The following DGKG variants were observed in gnomAD, a reference collection of about 807,000 sequenced individuals.
DGKG encodes DAG kinase gamma.
DGKG carries 78 observed loss-of-function variants against 105.3 expected under a neutral mutation model. The observed-to-expected ratio is 0.74, with a 90% confidence interval of 0.62 to 0.89. The LOEUF (loss-of-function observed/expected upper bound fraction) is 0.89. Ranked by LOEUF, DGKG falls within the 40% of genes least tolerant of loss-of-function variation. DGKG has a pLI of 0.00. For missense variants in DGKG, 958 were observed against 1,020.1 expected (o/e 0.94, Z 0.83); for synonymous variants, 346 against 367.1 (o/e 0.94, Z 0.66).
At chr3:186,264,256 A>G (rs544765114) in intron 14 of DGKG, among the ~76,000 whole-genome samples, 77 of 108,956 alleles carry the variant, frequency 7.1e-4, no homozygotes, top group Admixed American at 4.4e-3. Flanking sequence ...CTTATGTTTC[A>G]CTTTTCTTTT....
chr3:186,251,651 G>A (rs1052337184), intron 19 of DGKG, 108 bp downstream of exon 19: 8 of 1,295,194 alleles, frequency 6.2e-6, no homozygotes, highest in South Asian at 1.3e-5. Context: ...GGGCTGGGGG[G>A]GCAGGTAAGA....
intron 5 of DGKG, among the ~76,000 whole-genome samples, chr3:186,291,173 C>A (rs1723295843): frequency 6.6e-6 from 1 of 151,924 alleles, no homozygotes; most frequent in Non-Finnish European, 1.5e-5. Context: ...TGAAGAGGCA[C>A]CATAAATTCT....
intron 21 of DGKG, among the ~76,000 whole-genome samples, chr3:186,199,098 C>T (rs561798908): frequency 6.6e-6 from 1 of 152,116 alleles, no homozygotes; most frequent in South Asian, 2.1e-4. Context: ...CAGGCGCATG[C>T]CACCAAGCCC....
chr3:186,160,705 A>G (rs1716250240), intron 24 of DGKG: 1 of 985,324 alleles, frequency 1.0e-6, no homozygotes, highest in African/African-American at 1.7e-5. Context: ...TTGTCTTTTG[A>G]AATTTGCATA....
chr3:186,211,383 A>G (rs1264826889), intron 21 of DGKG, among the ~76,000 whole-genome samples: 1 of 152,144 alleles, frequency 6.6e-6, no homozygotes, highest in Admixed American at 6.5e-5. Flanking sequence ...TGCAGCCCCT[A>G]TACTCCCCAC....
chr3:186,203,323 C>T lies in DGKG; in HGVS notation c.1917+8472G>A, dbSNP rs1304380105. Reference sequence around the variant, plus strand: ...AGGCCTGATGATAAAGAAACAAGGGCTAACATTACCCTAAGATTGAAACGA... The same window carrying T: ...AGGCCTGATGATAAAGAAACAAGGGTTAACATTACCCTAAGATTGAAACGA... On this transcript the variant is annotated intron_variant, in intron 21 of 24. Coordinates refer to ENST00000265022, the MANE Select transcript of DGKG (RefSeq NM_001346.3). This position sits in a 1 kb window ranked among gnomAD's most constrained non-coding sequence, Gnocchi z 4.9. Among the ~76,000 whole-genome samples, 1 of 152,164 alleles carries T rather than the reference C, an allele frequency of 6.6e-6. No homozygotes were observed. Among genetic ancestry groups the T allele is most frequent in the Non-Finnish European group, 1.5e-5 (1 of 68,034 alleles).
intron 21 of DGKG, among the ~76,000 whole-genome samples, chr3:186,209,093 C>CTTTTTTTTTTTTTTTTTTTTTTTTTT (rs34226259): frequency 2.2e-5 from 2 of 89,838 alleles, no homozygotes; most frequent in African/African-American, 9.6e-5. Flanking sequence ...GTTTACTCTT[C>CTTTTTTTTTTTTTTTTTTTTTTTTTT]TTTTTTTTTT....
At chr3:186,358,506 T>TTGTGTGTGTGTGTGTGTGTGTGTG (rs142522791) in intron 1 of DGKG, among the ~76,000 whole-genome samples, 3,017 of 149,982 alleles carry the variant, frequency 0.02, 50 homozygotes, top group Non-Finnish European at 0.03. Context: ...TTCTAACCCT[T>TTGTGTGTGTGTGTGTGTGTGTGTG]TGTGTGTGTG....
intron 2 of DGKG, among the ~76,000 whole-genome samples, chr3:186,310,398 A>G (rs2108629674): frequency 6.6e-6 from 1 of 152,194 alleles, no homozygotes; most frequent in East Asian, 1.9e-4. Context: ...ATAGGATTAT[A>G]GTATCAATAC....
chr3:186,253,145 G>A lies in DGKG; in HGVS notation c.1548C>T (p.Val516=), dbSNP rs749597478. The change falls in exon 18 of 25, where the codon GTC becomes GTT. Residue 516 remains valine (V), a synonymous_variant. Coordinates refer to ENST00000265022, the MANE Select transcript of DGKG (RefSeq NM_001346.3). The stretch of plus-strand genomic sequence containing the variant: ...GGTCATTTCCTGTTCCAAGAGGCAG[G>A]ACAGCCACTGGTGGATGCTTTGCAA... ...ANFAKHPPVA[V]LPLGTGNDLA... 45 of 1,614,092 alleles carry A rather than the reference G, an allele frequency of 2.8e-5. No individual in the cohort carries two copies. The highest frequency in any genetic ancestry group is 3.3e-4 in the Middle Eastern group (2 of 6,084).
At chr3:186,175,681 T>C (rs564614339) in intron 22 of DGKG, among the ~76,000 whole-genome samples, 16 of 152,244 alleles carry the variant, frequency 1.1e-4, no homozygotes, top group African/African-American at 3.4e-4. Flanking sequence ...TGAGGTCCAG[T>C]GCTGGGCACA....
At chr3:186,232,409 G>A (rs1429637952) in intron 20 of DGKG, among the ~76,000 whole-genome samples, 6 of 152,040 alleles carry the variant, frequency 3.9e-5, no homozygotes, top group African/African-American at 1.2e-4. Flanking sequence ...CTTGGAGGAG[G>A]GGATGCAAAA....
intron 20 of DGKG, among the ~76,000 whole-genome samples, chr3:186,214,405 ACTTACTTATTAG>A (rs1471643558): frequency 1.3e-5 from 2 of 152,216 alleles, no homozygotes; most frequent in Non-Finnish European, 2.9e-5. Context: ...AATGCCAGCT[ACTTACTTATTAG>A]CTATTATTAT....
intron 21 of DGKG, among the ~76,000 whole-genome samples, chr3:186,205,652 G>C (rs892006251): frequency 1.3e-5 from 2 of 152,034 alleles, no homozygotes; most frequent in African/African-American, 2.4e-5. Context: ...AGGGGTTTCA[G>C]TGGGCTGAGA....
intron 22 of DGKG, among the ~76,000 whole-genome samples, chr3:186,166,526 C>T (rs1417185182): frequency 3.9e-5 from 6 of 152,198 alleles, no homozygotes; most frequent in African/African-American, 1.4e-4. Context: ...CCTCTAGTCA[C>T]TTAATTAGCC....
intron 22 of DGKG, among the ~76,000 whole-genome samples, chr3:186,184,054 C>A (rs1259813611): frequency 6.6e-6 from 1 of 151,806 alleles, no homozygotes; most frequent in African/African-American, 2.4e-5. Context: ...ATGCTTAGGA[C>A]AAGAACTTCA....
chr3:186,166,627 A>ATGTG (rs5855082), intron 22 of DGKG, among the ~76,000 whole-genome samples: 4,285 of 149,888 alleles, frequency 0.029, 183 homozygotes, highest in African/African-American at 0.097. Context: ...TGGGCTATAA[A>ATGTG]TGTGTGTGTG....
intron 6 of DGKG, among the ~76,000 whole-genome samples, chr3:186,287,814 A>T (rs924721134): frequency 1.3e-5 from 2 of 152,186 alleles, no homozygotes; most frequent in African/African-American, 4.8e-5. Context: ...CCTTTGGCAG[A>T]CTTCCCTTGC....
intron 18 of DGKG, 90 bp downstream of exon 18, chr3:186,253,003 T>C: frequency 8.8e-7 from 1 of 1,136,894 alleles, no homozygotes; most frequent in Non-Finnish European, 1.3e-6. Context: ...ATGTGATCCA[T>C]AAAAGGGTAA....
Sources: allele counts gnomAD v4.1 joint callset (sites outside exome capture counted in the v4.1 genomes callset), GRCh38; gene constraint gnomAD v4.1.1; non-coding constraint Gnocchi (gnomAD v3.1); transcripts MANE v1.5; gene names NCBI Gene and HGNC (gene_info 2026-07-23, HGNC 2026-07-21).